Variants in LGALS3BP observed in about 807,000 individuals in gnomAD.
LGALS3BP encodes the protein galectin-3-binding protein.
Under a neutral mutation model 22.9 loss-of-function variants are expected in LGALS3BP, and 25 were observed. The observed-to-expected ratio is 1.09, with a 90% confidence interval of 0.80 to 1.53. The LOEUF (loss-of-function observed/expected upper bound fraction) is 1.53, where lower values mean the gene tolerates loss of function less well. Ranked by LOEUF, LGALS3BP falls within the 40% of genes most tolerant of loss-of-function variation. The pLI is 0.00. For missense variants in LGALS3BP, 718 were observed against 752.0 expected (o/e 0.95, Z 0.53); for synonymous variants, 335 against 331.1 (o/e 1.01, Z -0.13).
chr17:78,978,442 A>G (rs1456415122), intron 1 of LGALS3BP, among the ~76,000 whole-genome samples: 1 of 152,190 alleles, frequency 6.6e-6, no homozygotes, highest in Non-Finnish European at 1.5e-5. Context: ...CTCACCTTAC[A>G]AGTGAATGAG....
chr17:78,973,757 C>G lies in LGALS3BP; in HGVS notation c.377-535G>C, dbSNP rs1051010986. Among the ~76,000 whole-genome samples the G allele has an allele frequency of 1.3e-5, 2 of 152,258 alleles. No homozygotes were observed. The highest frequency in any genetic ancestry group is 2.9e-5 in the Non-Finnish European group (2 of 68,052). On this transcript the variant is annotated intron_variant, in intron 4 of 5. Coordinates refer to ENST00000262776, the MANE Select transcript of LGALS3BP (RefSeq NM_005567.4). The surrounding 1 kb of genome is among the most constrained non-coding windows in gnomAD (Gnocchi z 5.8). ...GCACCCTCTCCCCTTCTTTGAGCCC[C>G]TCTCAAAGCCTAACTCAAAATGAAA...
intron 1 of LGALS3BP, among the ~76,000 whole-genome samples, chr17:78,978,512 GT>G (rs1228814134): frequency 6.6e-6 from 1 of 152,260 alleles, no homozygotes; most frequent in East Asian, 1.9e-4. Flanking sequence ...CAGGCAGGGG[GT>G]CTGCTCGGGG....
At position 78,971,779 on chromosome 17, in the gene LGALS3BP, C is replaced by T. The variant is rs753359799; in HGVS notation, c.1555G>A (p.Glu519Lys). 13 of 1,613,946 alleles carry T rather than the reference C, an allele frequency of 8.1e-6. No individual in the cohort carries two copies. The highest frequency in any genetic ancestry group is 6.7e-5 in the Admixed American group (4 of 60,004). Residue 519 changes from glutamate to lysine, a missense_variant, in exon 6 of 6, where the codon GAA (glutamate) becomes AAA (lysine). By Grantham distance (56) the Glu-to-Lys change is moderately conservative. Coordinates refer to ENST00000262776, the MANE Select transcript of LGALS3BP (RefSeq NM_005567.4). This position sits in a 1 kb window ranked among gnomAD's most constrained non-coding sequence, Gnocchi z 5.6. ...TCGCAGAGCATCAGGGCTTTGTTTTCGTAGGCAATGGTGCGATCTGAGCCG... is the reference window on the plus strand; with the variant it reads ...TCGCAGAGCATCAGGGCTTTGTTTTTGTAGGCAATGGTGCGATCTGAGCCG... ...SGGSDRTIAY[E>K]NKALMLCEGL...
At position 78,971,261 on chromosome 17, in the gene LGALS3BP, C is replaced by T. The variant is rs1170968202; in HGVS notation, c.*315G>A. The T allele has an allele frequency of 5.8e-6, 2 of 342,398 alleles. No individual in the cohort carries two copies. The highest frequency in any genetic ancestry group is 1.1e-5 in the Non-Finnish European group (2 of 186,014). 21.2% of individuals were successfully genotyped at this position (342,398 alleles called of 1,614,324 possible). On this transcript the variant is annotated 3_prime_UTR_variant, in exon 6 of 6. Transcript: ENST00000262776. The surrounding 1 kb of genome is among the most constrained non-coding windows in gnomAD (Gnocchi z 5.6). ...CTTTCTGTACAAACAAATGTAGGAA[C>T]CTCAATGTAATTTTAATGACCTCAG...
chr17:78,973,272 C>A lies in LGALS3BP; in HGVS notation c.377-50G>T, dbSNP rs2070691712. On this transcript the variant is annotated intron_variant, in intron 4 of 5. Coordinates refer to ENST00000262776, the MANE Select transcript of LGALS3BP (RefSeq NM_005567.4). The surrounding 1 kb of genome is among the most constrained non-coding windows in gnomAD (Gnocchi z 5.8). ...GGCTGCGTTAGGAGCCGGGGCACTGCCACTCTCTGGGGTCAGTGTCTTCAT... is the reference window on the plus strand; with the variant it reads ...GGCTGCGTTAGGAGCCGGGGCACTGACACTCTCTGGGGTCAGTGTCTTCAT... 2 of 1,454,614 alleles carry A rather than the reference C, an allele frequency of 1.4e-6. No individual in the cohort carries two copies. Among genetic ancestry groups the A allele is most frequent in the African/African-American group, 2.8e-5 (2 of 70,514 alleles). The allele number at this position is 1,454,614 out of a possible 1,614,324, so 90.1% of individuals were successfully genotyped here. A position where few individuals can be genotyped will look rare whatever the true frequency, so the allele number is the denominator to read the frequency against.
intron 3 of LGALS3BP, 80 bp downstream of exon 3, chr17:78,975,885 C>T (rs1261873401): frequency 1.1e-5 from 9 of 807,462 alleles, no homozygotes; most frequent in African/African-American, 8.9e-5. Context: ...CTGACTGTTT[C>T]GTCTTAGGGG....
Position 78,971,455 on chromosome 17 carries a change from G to A in LGALS3BP, c.*121C>T. ...TTGAAGCTGAGCGCTCAGGTGAGTA[G>A]GGCGACATCTGGTGGCCGGTTGTTG... is the stretch of plus-strand genomic sequence containing the variant. On this transcript the variant is annotated 3_prime_UTR_variant, in exon 6 of 6. Coordinates refer to ENST00000262776, the MANE Select transcript of LGALS3BP (RefSeq NM_005567.4). The surrounding 1 kb of genome is among the most constrained non-coding windows in gnomAD (Gnocchi z 5.6). 1.1e-6 allele frequency: 1 copy of A among 888,176 alleles called. No individual in the cohort carries two copies. The highest frequency in any genetic ancestry group is 1.8e-5 in the South Asian group (1 of 56,890). 55.0% of individuals were successfully genotyped at this position (888,176 alleles called of 1,614,324 possible).
At position 78,972,279 on chromosome 17, in the gene LGALS3BP, A is replaced by G. The variant is rs1321380577; in HGVS notation, c.1055T>C (p.Leu352Pro). 1.9e-6 allele frequency: 3 copies of G among 1,613,446 alleles called. No homozygotes were observed. The highest frequency in any genetic ancestry group is 2.5e-6 in the Non-Finnish European group (3 of 1,179,860). ...LVEKIRFPMM[L>P]PEELFELQFN... ...CTGCAGCTCAAAGAGCTCCTCAGGG[A>G]GCATCATGGGGAAGCGGATCTTCTC... The change falls in exon 6 of 6, where the codon CTC (leucine) becomes CCC (proline). Residue 352 changes from leucine (L) to proline (P), a missense_variant. Leu to Pro is a moderately conservative substitution (Grantham distance 98). Coordinates refer to ENST00000262776, the MANE Select transcript of LGALS3BP (RefSeq NM_005567.4). The surrounding 1 kb of genome is among the most constrained non-coding windows in gnomAD (Gnocchi z 5.1).
rs370838910 is a variant in LGALS3BP at position 78,972,472 on chromosome 17, C to G, written c.862G>C (p.Glu288Gln). 2 of 1,613,392 alleles carry G rather than the reference C, an allele frequency of 1.2e-6. No individual in the cohort carries two copies. The highest frequency in any genetic ancestry group is 1.6e-4 in the Middle Eastern group (1 of 6,062). Residue 288 changes from glutamate (E) to glutamine (Q), a missense_variant, in exon 6 of 6, where the codon GAG (glutamate) becomes CAG (glutamine). Physicochemically the swap from Glu to Gln is conservative, Grantham distance 29 (BLOSUM62 2). Coordinates refer to ENST00000262776, the MANE Select transcript of LGALS3BP (RefSeq NM_005567.4). This position sits in a 1 kb window ranked among gnomAD's most constrained non-coding sequence, Gnocchi z 5.1. ...CAGGCCTCGGCCTGCGTCAAGGCCTCGAAGTTCCAGGCCAGGAACTGTAGG... is the reference window on the plus strand; with the variant it reads ...CAGGCCTCGGCCTGCGTCAAGGCCTGGAAGTTCCAGGCCAGGAACTGTAGG... ...LCLQFLAWNF[E>Q]ALTQAEAWPS... is the part of the protein sequence containing the mutation.
In LGALS3BP at chr17:78,971,669, G is replaced by A. The variant is rs1405068342; in HGVS notation, c.1665C>T (p.Ser555=). ...PSALDTNSSK[S]TSSFPCPAGH... is the part of the protein sequence containing the mutation. ...CTGCCGGGCAGGGGAAGGAGGAGGT[G>A]CTCTTCGAGCTGTTGGTGTCCAGGG... The change falls in exon 6 of 6, where the codon AGC becomes AGT. Residue 555 remains serine, a synonymous_variant. Transcript: ENST00000262776. This position sits in a 1 kb window ranked among gnomAD's most constrained non-coding sequence, Gnocchi z 5.6. The A allele has an allele frequency of 3.7e-6, 6 of 1,613,752 alleles. No homozygotes were observed. Among genetic ancestry groups the A allele is most frequent in the Non-Finnish European group, 5.1e-6 (6 of 1,180,038 alleles).
At position 78,971,507 on chromosome 17, in the gene LGALS3BP, C is replaced by T. The variant is rs919221995; in HGVS notation, c.*69G>A. On this transcript the variant is annotated 3_prime_UTR_variant, in exon 6 of 6. Transcript: ENST00000262776. This position sits in a 1 kb window ranked among gnomAD's most constrained non-coding sequence, Gnocchi z 5.6. ...AGGTCATTGCAGAGAGGAAGGAAGC[C>T]GAGGAGGGGAGCCTGCAGTGAGGGC... The T allele has an allele frequency of 1.2e-4, 167 of 1,443,004 alleles. No individual in the cohort carries two copies. Among genetic ancestry groups the T allele is most frequent in the Middle Eastern group, 1.0e-3 (5 of 4,902 alleles). The allele number at this position is 1,443,004 out of a possible 1,614,324, so 89.4% of individuals were successfully genotyped here. A position where few individuals can be genotyped will look rare whatever the true frequency, so the allele number is the denominator to read the frequency against.
rs911880713 is a variant in LGALS3BP, at chr17:78,976,615, C to T, written c.53-459G>A. On this transcript the variant is annotated intron_variant, in intron 2 of 5. Coordinates refer to ENST00000262776, the MANE Select transcript of LGALS3BP (RefSeq NM_005567.4). The surrounding 1 kb of genome is among the most constrained non-coding windows in gnomAD (Gnocchi z 4.6). ...TGTTTCCAGGGCAGATAATGGGATT[C>T]CCCCGCCCCACATGTCCTTCTGGGA... Among the ~76,000 whole-genome samples the T allele has an allele frequency of 6.6e-6, 1 of 152,102 alleles. No homozygotes were observed.
Position 78,975,985 on chromosome 17 carries a change from C to A in LGALS3BP, c.224G>T (p.Gly75Val), listed in dbSNP as rs1449013058. ...CCTACCTTGCCCGAAGGCAGCTCTG[C>A]CCAGAGCCTGGGTGGCGTTCTCGAA... ...LGFENATQAL[G>V]RAAFGQGSGP... is the part of the protein sequence containing the mutation. Residue 75 changes from glycine (G) to valine (V), a missense_variant, in exon 3 of 6, where the codon GGC (glycine) becomes GTC (valine). Coordinates refer to ENST00000262776, the MANE Select transcript of LGALS3BP (RefSeq NM_005567.4). 13 of 1,610,186 alleles carry A rather than the reference C, an allele frequency of 8.1e-6. No individual in the cohort carries two copies. In the South Asian group the frequency reaches 1.3e-4, roughly 16 times the overall value.
chr17:78,975,865 T>G (rs2070715601), intron 3 of LGALS3BP, 100 bp downstream of exon 3: 1 of 640,828 alleles, frequency 1.6e-6, no homozygotes, highest in African/African-American at 1.9e-5. Flanking sequence ...AATTTGCATG[T>G]CTTTGAAACC....
rs2145821856 is a variant in LGALS3BP, at chr17:78,972,084, A to G, written c.1250T>C (p.Phe417Ser). Residue 417 changes from phenylalanine to serine, a missense_variant, in exon 6 of 6, where the codon TTT (phenylalanine) becomes TCT (serine). Transcript: ENST00000262776. The surrounding 1 kb of genome is among the most constrained non-coding windows in gnomAD (Gnocchi z 5.1). ...TGCACTCCAGGAACTGTCTGTCACAAAGGCACTCCAGGTGGGCGAGGTGTA... is the reference window on the plus strand; with the variant it reads ...TGCACTCCAGGAACTGTCTGTCACAGAGGCACTCCAGGTGGGCGAGGTGTA... ...RIYTSPTWSA[F>S]VTDSSWSARK... 1 of 1,613,662 alleles carries G rather than the reference A, an allele frequency of 6.2e-7. No individual in the cohort carries two copies. The highest frequency in any genetic ancestry group is 8.5e-7 in the Non-Finnish European group (1 of 1,179,662).
rs778572174 is a variant in LGALS3BP at position 78,974,647 on chromosome 17, G to A, written c.376+41C>T. 3.1e-6 allele frequency: 5 copies of A among 1,597,276 alleles called. No homozygotes were observed. In the South Asian group the frequency reaches 3.3e-5, roughly 11 times the overall value. ...AGGGGCAGGGGCCACGGGACCCCAG[G>A]GCACACTGGGGCCTCCGCAGGGAGG... On this transcript the variant is annotated intron_variant, in intron 4 of 5. Coordinates refer to ENST00000262776, the MANE Select transcript of LGALS3BP (RefSeq NM_005567.4).
intron 3 of LGALS3BP, 145 bp from the exon 4 acceptor site, chr17:78,974,964 C>G (rs2070707669): frequency 9.7e-7 from 1 of 1,028,542 alleles, no homozygotes; most frequent in South Asian, 1.7e-5. Context: ...GGAGGATATT[C>G]CAGCATGGGC....
chr17:78,971,407 A>T lies in LGALS3BP; in HGVS notation c.*169T>A. 1 of 625,542 alleles carries T rather than the reference A, an allele frequency of 1.6e-6. No individual in the cohort carries two copies. Among genetic ancestry groups the T allele is most frequent in the African/African-American group, 1.8e-5 (1 of 54,424 alleles). 38.7% of individuals were successfully genotyped at this position (625,542 alleles called of 1,614,324 possible). ...GGTGGGAGAACTCCTGGTGGACCCT[A>T]GTGGAAGCCTTCCAGTAATTTCTTG... On this transcript the variant is annotated 3_prime_UTR_variant, in exon 6 of 6. Transcript: ENST00000262776. This position sits in a 1 kb window ranked among gnomAD's most constrained non-coding sequence, Gnocchi z 5.6.
chr17:78,977,575 T>G lies in LGALS3BP; in HGVS notation c.-23-361A>C. 3 of 250,492 alleles carry G rather than the reference T, an allele frequency of 1.2e-5. No homozygotes were observed. The South Asian group carries it at 1.5e-4, about 12-fold the overall frequency. The allele number at this position is 250,492 out of a possible 1,614,324, so 15.5% of individuals were successfully genotyped here. On this transcript the variant is annotated intron_variant, in intron 1 of 5. Coordinates refer to ENST00000262776, the MANE Select transcript of LGALS3BP (RefSeq NM_005567.4). Reference sequence around the variant, plus strand: ...TGCCACACGGGCATGGGCGGGGAGATGGAGGAGGCCACAGGCGTGGGCCCA... The same window carrying G: ...TGCCACACGGGCATGGGCGGGGAGAGGGAGGAGGCCACAGGCGTGGGCCCA...
Sources: allele counts gnomAD v4.1 joint callset (sites outside exome capture counted in the v4.1 genomes callset), GRCh38; gene constraint gnomAD v4.1.1; non-coding constraint Gnocchi (gnomAD v3.1); transcripts MANE v1.5; gene names NCBI Gene and HGNC (gene_info 2026-07-23, HGNC 2026-07-21).